Variants in ZSWIM5 observed in about 807,000 individuals in gnomAD.
ZSWIM5 encodes zinc finger SWIM-type containing 5, also known as zinc finger SWIM domain-containing protein 5.
Under a neutral mutation model 119.6 loss-of-function variants are expected in ZSWIM5, and 55 were observed. That is an observed-to-expected ratio of 0.46 (90% CI 0.37 to 0.58). The LOEUF is 0.58. ZSWIM5 is among the 20% of genes least tolerant of loss of function. The pLI, the probability that ZSWIM5 is intolerant of heterozygous loss-of-function variation, is 0.00. For synonymous variants in ZSWIM5, 537 were observed against 606.9 expected, an observed-to-expected ratio of 0.88 and a Z score of 1.69; for missense variants, 1,193 against 1,512.8, an observed-to-expected ratio of 0.79 and a Z score of 3.51.
chr1:45,200,640 ATT>A (rs1013239197), intron 1 of ZSWIM5, among the ~76,000 whole-genome samples: 1 of 152,176 alleles, frequency 6.6e-6, no homozygotes, highest in African/African-American at 2.4e-5. Flanking sequence ...CACAGTCATC[ATT>A]TTTTATCAAG....
intron 2 of ZSWIM5, among the ~76,000 whole-genome samples, chr1:45,082,537 C>A (rs1645299872): frequency 6.6e-6 from 1 of 152,198 alleles, no homozygotes; most frequent in African/African-American, 2.4e-5. Flanking sequence ...TCATCCAATA[C>A]ACTTGGATCT....
At position 45,034,867 on chromosome 1, in the gene ZSWIM5, G is replaced by A. The variant is rs552243798; in HGVS notation, c.2292-398C>T. ...CATAATCACAGCTCACTGCAGCCCC[G>A]ACCTCCCAGGCTCAAGCGATCCTCC... On this transcript the variant is annotated intron_variant, in intron 10 of 13. Coordinates refer to ENST00000359600, the MANE Select transcript of ZSWIM5 (RefSeq NM_020883.2). Among the ~76,000 whole-genome samples the A allele has an allele frequency of 1.4e-4, 22 of 152,080 alleles. No individual in the cohort carries two copies. The South Asian group carries it at 4.2e-3, about 29-fold the overall frequency.
intron 11 of ZSWIM5, among the ~76,000 whole-genome samples, chr1:45,029,156 C>T (rs7514998): frequency 5.3e-5 from 8 of 152,152 alleles, no homozygotes; most frequent in African/African-American, 1.7e-4. Flanking sequence ...CATCTACCAC[C>T]GACCTCATTC....
intron 1 of ZSWIM5, among the ~76,000 whole-genome samples, chr1:45,125,045 A>G (rs963984807): frequency 2.0e-5 from 3 of 151,778 alleles, no homozygotes; most frequent in Non-Finnish European, 2.9e-5. Context: ...TCAACAAGGA[A>G]TAAATATATA....
intron 1 of ZSWIM5, among the ~76,000 whole-genome samples, chr1:45,201,274 T>C (rs892259206): frequency 2.0e-5 from 3 of 152,220 alleles, no homozygotes; most frequent in South Asian, 4.1e-4. Flanking sequence ...TCTGAGACAA[T>C]ACATTTGTGT....
intron 1 of ZSWIM5, among the ~76,000 whole-genome samples, chr1:45,134,737 A>G (rs1210927646): frequency 1.3e-5 from 2 of 152,240 alleles, no homozygotes; most frequent in Non-Finnish European, 2.9e-5. Context: ...AGAAAAACAG[A>G]ACAGAAATAG....
At chr1:45,147,212 C>A (rs1168129372) in intron 1 of ZSWIM5, among the ~76,000 whole-genome samples, 3 of 151,876 alleles carry the variant, frequency 2.0e-5, no homozygotes, top group Non-Finnish European at 2.9e-5. Flanking sequence ...TAGCTGGGAC[C>A]AACAGGCATT....
At chr1:45,022,571 T>C (rs983548789) in intron 11 of ZSWIM5, among the ~76,000 whole-genome samples, 2 of 152,170 alleles carry the variant, frequency 1.3e-5, no homozygotes, top group African/African-American at 2.4e-5. Flanking sequence ...CCCTTTATTC[T>C]TCTATCATCT....
intron 1 of ZSWIM5, among the ~76,000 whole-genome samples, chr1:45,190,936 T>G (rs1646088027): frequency 1.1e-5 from 1 of 91,508 alleles, no homozygotes; most frequent in Non-Finnish European, 2.3e-5. Context: ...AATTTTTTTT[T>G]TTTTTTTTTT....
chr1:45,084,962 C>T (rs933274720), intron 2 of ZSWIM5, among the ~76,000 whole-genome samples: 1 of 152,238 alleles, frequency 6.6e-6, no homozygotes, highest in African/African-American at 2.4e-5. Flanking sequence ...TGTGTGGGGG[C>T]TCCAACCCAC....
At chr1:45,022,041 A>G (rs559445247) in intron 11 of ZSWIM5, among the ~76,000 whole-genome samples, 1 of 151,728 alleles carries the variant, frequency 6.6e-6, no homozygotes. Context: ...AAAATAAATA[A>G]GAGTTCAATA....
At chr1:45,079,504 C>T (rs573337037) in intron 2 of ZSWIM5, among the ~76,000 whole-genome samples, 97 of 152,274 alleles carry the variant, frequency 6.4e-4, no homozygotes, top group African/African-American at 2.3e-3. Context: ...TTGCGACTCA[C>T]CCTTCAGGGC....
At chr1:45,115,926 A>G (rs1463041155) in intron 1 of ZSWIM5, among the ~76,000 whole-genome samples, 7 of 152,188 alleles carry the variant, frequency 4.6e-5, no homozygotes, top group Non-Finnish European at 1.0e-4. Flanking sequence ...GGTTGTAGCG[A>G]GCCGAGATCA....
At chr1:45,182,991 G>C (rs1441871151) in intron 1 of ZSWIM5, among the ~76,000 whole-genome samples, 32 of 149,480 alleles carry the variant, frequency 2.1e-4, no homozygotes, top group South Asian at 6.4e-4. Context: ...TGACCACATA[G>C]TTGGAAGTAA....
At chr1:45,164,056 A>C (rs1026853612) in intron 1 of ZSWIM5, among the ~76,000 whole-genome samples, 3 of 152,192 alleles carry the variant, frequency 2.0e-5, no homozygotes, top group African/African-American at 7.2e-5. Context: ...AAAAATGTTG[A>C]GGGCAGCCAG....
At chr1:45,147,141 A>G (rs1645766764) in intron 1 of ZSWIM5, among the ~76,000 whole-genome samples, 1 of 151,078 alleles carries the variant, frequency 6.6e-6, no homozygotes, top group African/African-American at 2.4e-5. Flanking sequence ...GTGGTACAAT[A>G]TTGGCTCACT....
At chr1:45,067,314 C>T (rs1157812781) in intron 2 of ZSWIM5, among the ~76,000 whole-genome samples, 3 of 151,966 alleles carry the variant, frequency 2.0e-5, no homozygotes, top group Non-Finnish European at 4.4e-5. Context: ...TGACATGAGC[C>T]TGTAGTCCCA....
rs577554101 is a variant in ZSWIM5 at position 45,148,277 on chromosome 1, C to T, written c.595+57479G>A. On this transcript the variant is annotated intron_variant, in intron 1 of 13. Coordinates refer to ENST00000359600, the MANE Select transcript of ZSWIM5 (RefSeq NM_020883.2). ...TTATTCATGATATAACCAAATACTA[C>T]ATCAAAATTAGGCCTTCAAAGAGTG... Among the ~76,000 whole-genome samples, 36 of 152,202 alleles carry T rather than the reference C, an allele frequency of 2.4e-4. 1 individual carries two copies. The South Asian group carries it at 5.6e-3, about 24-fold the overall frequency.
chr1:45,157,552 T>C (rs892970409), intron 1 of ZSWIM5, among the ~76,000 whole-genome samples: 1 of 152,232 alleles, frequency 6.6e-6, no homozygotes, highest in Middle Eastern at 3.2e-3. Flanking sequence ...AGTAGTCCAT[T>C]GTATGAATAT....
Sources: gnomAD v4.1 joint callset for allele counts (sites outside exome capture counted in the v4.1 genomes callset) on GRCh38, gnomAD v4.1.1 for gene constraint, MANE v1.5 for transcripts, NCBI Gene and HGNC (gene_info 2026-07-23, HGNC 2026-07-21) for gene names.